The following MAPK14 variants were observed in gnomAD, a reference collection of about 807,000 sequenced individuals.
MAPK14 encodes the protein mitogen-activated protein kinase 14, also known as CSAID-binding protein.
MAPK14 carries 16 observed loss-of-function variants against 49.6 expected under a neutral mutation model. The observed-to-expected ratio is 0.32, with a 90% CI of 0.22 to 0.49. The LOEUF (loss-of-function observed/expected upper bound fraction) is 0.49. MAPK14 is among the 20% of genes least tolerant of loss of function. The pLI, the probability that MAPK14 is intolerant of heterozygous loss-of-function variation, is 0.99. For synonymous variants in MAPK14, 142 were observed against 158.0 expected, an observed-to-expected ratio of 0.90 and a Z score of 0.76; for missense variants, 200 against 441.2, an observed-to-expected ratio of 0.45 and a Z score of 4.90.
At chr6:36,072,027 A>C (rs1764298184) in intron 3 of MAPK14, among the ~76,000 whole-genome samples, 1 of 152,122 alleles carries the variant, frequency 6.6e-6, no homozygotes, top group Non-Finnish European at 1.5e-5. Flanking sequence ...AAGATATGTC[A>C]AGTAGGAATA....
rs183693924 is a variant in MAPK14, at chr6:36,105,499, G to A, written c.842-1956G>A. Among the ~76,000 whole-genome samples, 11 of 152,156 alleles carry A rather than the reference G, an allele frequency of 7.2e-5. No individual in the cohort carries two copies. In the East Asian group the frequency reaches 1.4e-3, roughly 19 times the overall value. On this transcript the variant is annotated intron_variant, in intron 10 of 11. Transcript: ENST00000229794. Reference sequence around the variant, plus strand: ...ACCCTAAGGGTAACAGAGACTTGTCGTATAATCTGTGTTCAATTATAAAAT... The same window carrying A: ...ACCCTAAGGGTAACAGAGACTTGTCATATAATCTGTGTTCAATTATAAAAT...
intron 7 of MAPK14, among the ~76,000 whole-genome samples, chr6:36,076,228 A>G (rs978115723): frequency 2.6e-5 from 4 of 151,820 alleles, no homozygotes; most frequent in African/African-American, 7.3e-5. Context: ...CCTAAAGACA[A>G]TTAGTCCATA....
At chr6:36,040,607 G>C (rs1354156473) in intron 1 of MAPK14, among the ~76,000 whole-genome samples, 2 of 152,194 alleles carry the variant, frequency 1.3e-5, no homozygotes, top group African/African-American at 4.8e-5. Context: ...CAAGAGGCCA[G>C]GTGTATCACT....
rs188472553 is a variant in MAPK14, at chr6:36,060,965, G to A, written c.305+1618G>A. 5.9e-5 allele frequency among the ~76,000 whole-genome samples: 9 copies of A among 152,210 alleles called. No individual in the cohort carries two copies. In the East Asian group the frequency reaches 1.2e-3, roughly 20 times the overall value. The stretch of plus-strand genomic sequence containing the variant: ...ATAACTAAGAAAAATTGTTCTTCTC[G>A]CAGCCCTGCTTGATACAACAATATG... On this transcript the variant is annotated intron_variant, in intron 3 of 11. Coordinates refer to ENST00000229794, the MANE Select transcript of MAPK14 (RefSeq NM_139012.3).
At chr6:36,032,550 G>A (rs185446110) in intron 1 of MAPK14, among the ~76,000 whole-genome samples, 87 of 152,344 alleles carry the variant, frequency 5.7e-4, no homozygotes, top group African/African-American at 2.0e-3. Context: ...GGCCCTTGCT[G>A]TTGATTAGAG....
chr6:36,053,000 A>C (rs1562111504), intron 2 of MAPK14, among the ~76,000 whole-genome samples, 172 bp downstream of exon 2: 1 of 152,072 alleles, frequency 6.6e-6, no homozygotes, highest in Non-Finnish European at 1.5e-5. Flanking sequence ...TTGGAATGAA[A>C]GTGATGCATC....
At chr6:36,100,631 AT>A (rs1362972295) in intron 9 of MAPK14, among the ~76,000 whole-genome samples, 1 of 152,050 alleles carries the variant, frequency 6.6e-6, no homozygotes, top group African/African-American at 2.4e-5. Flanking sequence ...CAATTCATCC[AT>A]TTTTTTAATG....
At chr6:36,081,368 A>G (rs1235924865) in intron 8 of MAPK14, among the ~76,000 whole-genome samples, 1 of 152,136 alleles carries the variant, frequency 6.6e-6, no homozygotes, top group African/African-American at 2.4e-5. Flanking sequence ...ATTTTTATAG[A>G]TGATGTGAGG....
intron 8 of MAPK14, chr6:36,092,694 A>C (rs1412788054): frequency 1.8e-5 from 6 of 332,444 alleles, no homozygotes; most frequent in Non-Finnish European, 2.4e-5. Context: ...GTTCACCTCC[A>C]AAGTGTAGGG....
At chr6:36,043,933 C>A (rs1241890293) in intron 1 of MAPK14, among the ~76,000 whole-genome samples, 1 of 151,046 alleles carries the variant, frequency 6.6e-6, no homozygotes, top group African/African-American at 2.4e-5. Flanking sequence ...GTGTCAGCCT[C>A]CCAAGTAGCT....
intron 1 of MAPK14, among the ~76,000 whole-genome samples, chr6:36,030,875 T>C (rs1218378661): frequency 1.3e-5 from 2 of 152,152 alleles, no homozygotes; most frequent in Non-Finnish European, 2.9e-5. Context: ...TACAGCATAT[T>C]GGTGAAAGAA....
chr6:36,036,930 G>A (rs1327131171), intron 1 of MAPK14, among the ~76,000 whole-genome samples: 1 of 151,956 alleles, frequency 6.6e-6, no homozygotes, highest in Non-Finnish European at 1.5e-5. Context: ...TAATAGAGAT[G>A]GGGTTTCACC....
chr6:36,040,468 A>G (rs1440497279), intron 1 of MAPK14, among the ~76,000 whole-genome samples: 1 of 152,240 alleles, frequency 6.6e-6, no homozygotes, highest in Non-Finnish European at 1.5e-5. Context: ...TACTTTCTGC[A>G]TTATAAATTG....
At chr6:36,088,598 T>A (rs1054822773) in intron 8 of MAPK14, among the ~76,000 whole-genome samples, 1 of 151,810 alleles carries the variant, frequency 6.6e-6, no homozygotes, top group African/African-American at 2.4e-5. Context: ...GGTGTGCGCC[T>A]GTAGTCCCAG....
chr6:36,109,536 C>T lies in MAPK14; in HGVS notation c.*1089C>T, dbSNP rs1022969706. Reference sequence around the variant, plus strand: ...GGCAAGTGATATCACCTCTCTTCAGCCCCTAGTGCTATTCTGTGTTGAACA... The same window carrying T: ...GGCAAGTGATATCACCTCTCTTCAGTCCCTAGTGCTATTCTGTGTTGAACA... On this transcript the variant is annotated 3_prime_UTR_variant, in exon 12 of 12. Coordinates refer to ENST00000229794, the MANE Select transcript of MAPK14 (RefSeq NM_139012.3). 6.6e-6 allele frequency: 1 copy of T among 152,668 alleles called. No homozygotes were observed. Among genetic ancestry groups the T allele is most frequent in the African/African-American group, 2.4e-5 (1 of 41,446 alleles). The allele number at this position is 152,668 out of a possible 1,614,324, so 9.5% of individuals were successfully genotyped here. A position where few individuals can be genotyped will look rare whatever the true frequency, so the allele number is the denominator to read the frequency against.
chr6:36,060,453 T>C (rs903688707), intron 3 of MAPK14, among the ~76,000 whole-genome samples: 1 of 152,200 alleles, frequency 6.6e-6, no homozygotes, highest in East Asian at 1.9e-4. Context: ...TTAAACACAG[T>C]TATACTTTTG....
At position 36,108,736 on chromosome 6, in the gene MAPK14, A is replaced by T; in HGVS notation, c.*289A>T. The T allele has an allele frequency of 2.3e-6, 1 of 427,498 alleles. No homozygotes were observed. The highest frequency in any genetic ancestry group is 2.7e-5 in the South Asian group (1 of 36,938). The allele number at this position is 427,498 out of a possible 1,614,324, so 26.5% of individuals were successfully genotyped here. A position where few individuals can be genotyped will look rare whatever the true frequency, so the allele number is the denominator to read the frequency against. ...TCTTTCTGAGAGTTGGCTCAGGCAG[A>T]CAAGAGCTGCTGTCCTTTTAGGAAT... On this transcript the variant is annotated 3_prime_UTR_variant, in exon 12 of 12. Coordinates refer to ENST00000229794, the MANE Select transcript of MAPK14 (RefSeq NM_139012.3).
chr6:36,068,621 A>C, intron 3 of MAPK14, among the ~76,000 whole-genome samples: 1 of 152,190 alleles, frequency 6.6e-6, no homozygotes, highest in East Asian at 1.9e-4. Flanking sequence ...ATTGCTTTGA[A>C]TAGGACTGAT....
At chr6:36,037,940 TG>T (rs1762814220) in intron 1 of MAPK14, among the ~76,000 whole-genome samples, 1 of 151,750 alleles carries the variant, frequency 6.6e-6, no homozygotes, top group African/African-American at 2.4e-5. Flanking sequence ...CCTGGGAAGT[TG>T]AGGCTGTAGT....
Sources: allele counts gnomAD v4.1 joint callset (sites outside exome capture counted in the v4.1 genomes callset), GRCh38; gene constraint gnomAD v4.1.1; transcripts MANE v1.5; gene names NCBI Gene and HGNC (gene_info 2026-07-23, HGNC 2026-07-21).